The following RAB11FIP4 variants were observed in gnomAD, a reference collection of about 807,000 sequenced individuals.
RAB11FIP4 encodes the protein RAB11 family interacting protein 4.
RAB11FIP4 carries 23 observed loss-of-function variants against 74.3 expected under a neutral mutation model. That is an observed-to-expected ratio of 0.31 (90% confidence interval 0.22 to 0.44). The LOEUF is 0.44. RAB11FIP4 is among the 20% of genes least tolerant of loss of function. The pLI, the probability that RAB11FIP4 is intolerant of heterozygous loss-of-function variation, is 1.00. For missense variants in RAB11FIP4, 630 were observed against 863.9 expected (o/e 0.73, Z 3.39); for synonymous variants, 360 against 359.9 (o/e 1.00, Z 0.00).
At position 31,536,034 on chromosome 17, in the gene RAB11FIP4, A is replaced by C. The variant is rs968203144; in HGVS notation, c.*4302A>C. 1 of 14,964 alleles carries C rather than the reference A, an allele frequency of 6.7e-5. No individual in the cohort carries two copies. The highest frequency in any genetic ancestry group is 1.2e-4 in the Non-Finnish European group (1 of 8,478). The allele number at this position is 14,964 out of a possible 1,614,324, so 0.9% of individuals were successfully genotyped here. On this transcript the variant is annotated 3_prime_UTR_variant, in exon 15 of 15. Transcript: ENST00000621161. ...GTCCACTGGTGCTGGTGTTCAGGGG[A>C]GTTGGGGGGGGGGGGCGCGGGGACA...
rs1280074264 is a variant in RAB11FIP4 at position 31,391,828 on chromosome 17, C to T, written c.-25C>T. ...CGGCGGGCGCGGCGGGCGAGGGGTC[C>T]GGGCTGAGCTGCGGGCCGGCCCGGA... On this transcript the variant is annotated 5_prime_UTR_variant, in exon 1 of 15. Transcript: ENST00000621161. The T allele has an allele frequency of 3.0e-6, 3 of 1,011,374 alleles. No individual in the cohort carries two copies. In the East Asian group the frequency reaches 2.8e-4, roughly 93 times the overall value. 62.7% of individuals were successfully genotyped at this position (1,011,374 alleles called of 1,614,324 possible). A position where few individuals can be genotyped will look rare whatever the true frequency, so the allele number is the denominator to read the frequency against.
At chr17:31,529,824 G>A (rs551944570) in intron 13 of RAB11FIP4, among the ~76,000 whole-genome samples, 6 of 152,352 alleles carry the variant, frequency 3.9e-5, no homozygotes, top group South Asian at 4.1e-4. Context: ...CAGGGTCCCA[G>A]GTGTGAGCAT....
chr17:31,487,692 G>A (rs2071921746), intron 3 of RAB11FIP4, among the ~76,000 whole-genome samples: 1 of 152,080 alleles, frequency 6.6e-6, no homozygotes, highest in Admixed American at 6.5e-5. Flanking sequence ...ATCTCACAGT[G>A]CGGTGACAAA....
chr17:31,402,189 GCATCCATCCATC>G (rs373691832), intron 1 of RAB11FIP4, among the ~76,000 whole-genome samples: 26 of 103,270 alleles, frequency 2.5e-4, no homozygotes, highest in Middle Eastern at 4.2e-3. Flanking sequence ...ATCTGTCCAT[GCATCCATCCATC>G]CATCCATCCA....
chr17:31,403,287 A>C (rs567142631), intron 1 of RAB11FIP4, among the ~76,000 whole-genome samples: 7 of 151,570 alleles, frequency 4.6e-5, no homozygotes, highest in Admixed American at 4.6e-4. Flanking sequence ...TCCAGGACCC[A>C]CCAAAACTTG....
intron 3 of RAB11FIP4, chr17:31,488,283 GC>G (rs1374292006): frequency 1.7e-6 from 2 of 1,176,388 alleles, no homozygotes; most frequent in Non-Finnish European, 2.1e-6. Flanking sequence ...GTAAGCGGCG[GC>G]CCCGGGGCTG....
At position 31,434,218 on chromosome 17, in the gene RAB11FIP4, C is replaced by T. The variant is rs572819856; in HGVS notation, c.336+96C>T. ...TTTCAGTATCTGGGAGGACCCAGAA[C>T]CTCCCTCTGAGGACCCTTCTTGAGC... On this transcript the variant is annotated intron_variant, in intron 3 of 14. Transcript: ENST00000621161. 5.9e-6 allele frequency: 6 copies of T among 1,009,684 alleles called. No individual in the cohort carries two copies. The African/African-American group carries it at 7.9e-5, about 13-fold the overall frequency. The allele number at this position is 1,009,684 out of a possible 1,614,324, so 62.5% of individuals were successfully genotyped here.
chr17:31,524,484 G>A (rs1312712219), intron 9 of RAB11FIP4: 1 of 174,736 alleles, frequency 5.7e-6, no homozygotes, highest in Non-Finnish European at 1.2e-5. Context: ...GACCCTTGGG[G>A]GACATACCCT....
At chr17:31,403,794 G>A (rs1170401442) in intron 1 of RAB11FIP4, among the ~76,000 whole-genome samples, 1 of 152,168 alleles carries the variant, frequency 6.6e-6, no homozygotes, top group African/African-American at 2.4e-5. Context: ...CATGTTCTTA[G>A]AAGGTCAGAG....
intron 1 of RAB11FIP4, among the ~76,000 whole-genome samples, chr17:31,410,238 G>A (rs1408290119): frequency 1.3e-5 from 2 of 152,056 alleles, no homozygotes; most frequent in Non-Finnish European, 2.9e-5. Context: ...GATTATTTGG[G>A]GCTCTTGTGG....
At chr17:31,485,237 C>G (rs975072608) in intron 3 of RAB11FIP4, among the ~76,000 whole-genome samples, 4 of 152,220 alleles carry the variant, frequency 2.6e-5, no homozygotes, top group African/African-American at 7.2e-5. Context: ...CAGGAGTGTT[C>G]AATGCATCTG....
In RAB11FIP4 at chr17:31,523,563, C is replaced by T; in HGVS notation, c.981C>T (p.Asp327=). ...NFSSSNGSTE[D]LFRDSIDSCD... ...GCAGCAGCAATGGCAGCACCGAAGA[C>T]CTGTTCCGGGACAGCATTGACTCTT... is the stretch of plus-strand genomic sequence containing the variant. Residue 327 remains aspartate (D), a synonymous_variant, in exon 8 of 15, where the codon GAC becomes GAT. Coordinates refer to ENST00000621161, the MANE Select transcript of RAB11FIP4 (RefSeq NM_032932.6). The T allele has an allele frequency of 6.2e-7, 1 of 1,614,136 alleles. No homozygotes were observed. The highest frequency in any genetic ancestry group is 8.5e-7 in the Non-Finnish European group (1 of 1,180,008).
At chr17:31,528,337 G>A in intron 11 of RAB11FIP4, 69 bp from the exon 12 acceptor site, 1 of 1,537,994 alleles carries the variant, frequency 6.5e-7, no homozygotes, top group East Asian at 2.3e-5. Flanking sequence ...CAGACCCCAG[G>A]GACACCCCTG....
chr17:31,419,393 A>G (rs1229589445), intron 1 of RAB11FIP4, among the ~76,000 whole-genome samples: 2 of 151,096 alleles, frequency 1.3e-5, no homozygotes, highest in Non-Finnish European at 2.9e-5. Context: ...TACATCCATT[A>G]GTTTTCAAAT....
Position 31,522,278 on chromosome 17 carries a change from C to G in RAB11FIP4, c.894-82C>G, listed in dbSNP as rs556471329. 172 of 1,443,294 alleles carry G rather than the reference C, an allele frequency of 1.2e-4. No homozygotes were observed. The East Asian group carries it at 3.1e-3, about 26-fold the overall frequency. 89.4% of individuals were successfully genotyped at this position (1,443,294 alleles called of 1,614,324 possible). On this transcript the variant is annotated intron_variant, in intron 6 of 14. Coordinates refer to ENST00000621161, the MANE Select transcript of RAB11FIP4 (RefSeq NM_032932.6). Reference sequence around the variant, plus strand: ...TGGGAGGGAAGAGCCTTGTCCTGCACTGTGGTGTCTTACAGCTAGGACAGA... The same window carrying G: ...TGGGAGGGAAGAGCCTTGTCCTGCAGTGTGGTGTCTTACAGCTAGGACAGA...
At chr17:31,466,301 T>C (rs538783861) in intron 3 of RAB11FIP4, among the ~76,000 whole-genome samples, 13 of 152,260 alleles carry the variant, frequency 8.5e-5, no homozygotes, top group African/African-American at 2.9e-4. Flanking sequence ...CAGCCCGGGA[T>C]TGATTCCTGA....
intron 3 of RAB11FIP4, among the ~76,000 whole-genome samples, chr17:31,472,960 G>A (rs2071754465): frequency 6.6e-6 from 1 of 152,066 alleles, no homozygotes; most frequent in Non-Finnish European, 1.5e-5. Flanking sequence ...TTGAACCTGG[G>A]AGGTGGAGGT....
At chr17:31,477,415 C>T (rs1371343182) in intron 3 of RAB11FIP4, among the ~76,000 whole-genome samples, 3 of 152,220 alleles carry the variant, frequency 2.0e-5, no homozygotes, top group African/African-American at 7.2e-5. Flanking sequence ...TGGGTGCTCC[C>T]CGCCCACCCT....
Position 31,437,428 on chromosome 17 carries a change from C to T in RAB11FIP4, c.336+3306C>T, listed in dbSNP as rs547826647. ...CGAATTTCTCAGGCCCGGCTCTCTG[C>T]GCCCTGCTGTGTCTTAGCTGTCCCC... On this transcript the variant is annotated intron_variant, in intron 3 of 14. Transcript: ENST00000621161. Among the ~76,000 whole-genome samples, 4 of 152,228 alleles carry T rather than the reference C, an allele frequency of 2.6e-5. No individual in the cohort carries two copies. The South Asian group carries it at 6.2e-4, about 24-fold the overall frequency.
Sources: allele counts gnomAD v4.1 joint callset (sites outside exome capture counted in the v4.1 genomes callset), GRCh38; gene constraint gnomAD v4.1.1; transcripts MANE v1.5; gene names NCBI Gene and HGNC (gene_info 2026-07-23, HGNC 2026-07-21).